FAAH2: variants seen among roughly 807,000 people sequenced by gnomAD.
FAAH2 encodes fatty acid amide hydrolase 2.
Under a neutral mutation model 36.9 loss-of-function variants are expected in FAAH2, and 60 were observed. The observed-to-expected ratio is 1.63, with a 90% CI of 1.32 to 2.02. The LOEUF is 2.02. Among genes scored for constraint, FAAH2 ranks in the 30% most tolerant of loss-of-function variants. FAAH2 has a pLI of 0.00. For synonymous variants in FAAH2, 214 were observed against 143.8 expected (o/e 1.49, Z -3.49); for missense variants, 689 against 397.5 (o/e 1.73, Z -6.23).
chrX:57,238,703 G>A, the FAAH2 span, among the ~76,000 whole-genome samples: 2 of 111,496 alleles, frequency 1.8e-5, no homozygotes, highest in African/African-American at 6.5e-5. Flanking sequence ...TTGTTACCTG[G>A]GCAAATTGCA....
chrX:57,187,152 G>T, the FAAH2 span, among the ~76,000 whole-genome samples: 1 of 111,506 alleles, frequency 9.0e-6, no homozygotes, highest in Non-Finnish European at 1.9e-5. Flanking sequence ...AAATCATTTT[G>T]AGCAGTGTGG....
chrX:57,296,339 C>A (rs1376918635), intron 2 of FAAH2, among the ~76,000 whole-genome samples: 1 of 111,912 alleles, frequency 8.9e-6, no homozygotes, highest in African/African-American at 3.3e-5. Flanking sequence ...CCCAGGCAAA[C>A]AGGGTCTGCA....
At chrX:57,354,398 A>G (rs1465540714) in intron 5 of FAAH2, among the ~76,000 whole-genome samples, 3 of 110,607 alleles carry the variant, frequency 2.7e-5, no homozygotes, top group Non-Finnish European at 5.7e-5. Context: ...GGATGCAGAG[A>G]GTAGAATGAT....
At chrX:57,427,772 A>T (rs1191190733) in intron 7 of FAAH2, among the ~76,000 whole-genome samples, 2 of 111,510 alleles carry the variant, frequency 1.8e-5, no homozygotes, top group African/African-American at 6.5e-5. Context: ...TAAAAACCGT[A>T]TATAAGAAGC....
At chrX:57,307,173 C>A (rs1261241501) in intron 2 of FAAH2, among the ~76,000 whole-genome samples, 1 of 103,963 alleles carries the variant, frequency 9.6e-6, no homozygotes, top group South Asian at 4.5e-4. Context: ...TTTCTCATCC[C>A]TTCATCTTTC....
At chrX:57,138,576 C>A in the FAAH2 span, among the ~76,000 whole-genome samples, 4 of 110,556 alleles carry the variant, frequency 3.6e-5, no homozygotes, top group South Asian at 7.6e-4. Flanking sequence ...GGATATATAC[C>A]CAATAGTGAG....
chrX:57,424,536 CAG>C (rs1485994982), intron 7 of FAAH2, among the ~76,000 whole-genome samples: 1 of 111,755 alleles, frequency 8.9e-6, no homozygotes, highest in East Asian at 2.8e-4. Flanking sequence ...TCTGCCACCC[CAG>C]AGACACAGGA....
chrX:57,153,094 C>T, the FAAH2 span, among the ~76,000 whole-genome samples: 3 of 112,195 alleles, frequency 2.7e-5, no homozygotes, highest in Admixed American at 2.8e-4. Flanking sequence ...CCCTGTTGGT[C>T]AAGGCCTTTT....
At chrX:57,225,871 C>A in the FAAH2 span, among the ~76,000 whole-genome samples, 1 of 111,984 alleles carries the variant, frequency 8.9e-6, no homozygotes, top group Non-Finnish European at 1.9e-5. Flanking sequence ...TTGTATCAGG[C>A]CTTTTTACCA....
At chrX:57,481,662 A>G (rs1299837079) in intron 10 of FAAH2, among the ~76,000 whole-genome samples, 1 of 111,686 alleles carries the variant, frequency 9.0e-6, no homozygotes, top group Non-Finnish European at 1.9e-5. Flanking sequence ...GCTGTCTTGT[A>G]TGAAGTGTCC....
chrX:57,238,070 A>G, the FAAH2 span, among the ~76,000 whole-genome samples: 1 of 111,921 alleles, frequency 8.9e-6, no homozygotes, highest in Non-Finnish European at 1.9e-5. Context: ...TAGTTCAACC[A>G]TTGTGAAAGG....
chrX:57,399,700 T>C (rs1481050747), intron 7 of FAAH2, among the ~76,000 whole-genome samples: 1 of 112,446 alleles, frequency 8.9e-6, no homozygotes, highest in Non-Finnish European at 1.9e-5. Flanking sequence ...TCCTAATGGC[T>C]TCCTGATGTT....
chrX:57,147,111 T>C, the FAAH2 span, among the ~76,000 whole-genome samples: 1 of 111,896 alleles, frequency 8.9e-6, no homozygotes, highest in Non-Finnish European at 1.9e-5. Context: ...TCTCTTTATC[T>C]TGTGGAATAG....
chrX:57,162,172 A>C, the FAAH2 span, among the ~76,000 whole-genome samples: 2 of 111,665 alleles, frequency 1.8e-5, no homozygotes, highest in Non-Finnish European at 3.8e-5. Context: ...TTTCTTTAAG[A>C]ATGTTGAATA....
chrX:57,121,751 C>G, the FAAH2 span: 1 of 112,247 alleles, frequency 8.9e-6, no homozygotes, highest in Non-Finnish European at 1.9e-5. Flanking sequence ...CCTTCCTCAC[C>G]CGTTTCAGGG....
At chrX:57,343,052 T>C (rs772623639) in intron 5 of FAAH2, among the ~76,000 whole-genome samples, 1 of 112,178 alleles carries the variant, frequency 8.9e-6, no homozygotes, top group Admixed American at 9.5e-5. Context: ...TGATTCCATG[T>C]CTCTGCTATT....
chrX:57,307,831 C>T (rs2052584575), intron 2 of FAAH2, among the ~76,000 whole-genome samples: 1 of 110,611 alleles, frequency 9.0e-6, no homozygotes, highest in Admixed American at 9.7e-5. Context: ...TTGTTGCTAT[C>T]TTTATGGCCG....
At chrX:57,407,953 T>C (rs1298428305) in intron 7 of FAAH2, among the ~76,000 whole-genome samples, 1 of 112,166 alleles carries the variant, frequency 8.9e-6, no homozygotes, top group Admixed American at 9.5e-5. Context: ...AAAAGTTTCT[T>C]GACTTTATAC....
the FAAH2 span, among the ~76,000 whole-genome samples, chrX:57,236,532 T>A: frequency 1.8e-5 from 2 of 112,239 alleles, no homozygotes; most frequent in African/African-American, 6.5e-5. Context: ...ATAGTAGCCA[T>A]TCTAACAAAA....
Sources: allele counts gnomAD v4.1 joint callset (sites outside exome capture counted in the v4.1 genomes callset), GRCh38; gene constraint gnomAD v4.1.1; transcripts MANE v1.5; gene names NCBI Gene and HGNC (gene_info 2026-07-23, HGNC 2026-07-21).